Variants in PRKG1 observed in about 807,000 individuals in gnomAD.
PRKG1 encodes the protein cGMP-dependent protein kinase 1.
PRKG1 carries 35 observed loss-of-function variants against 88.1 expected under a neutral mutation model. The observed-to-expected ratio is 0.40, with a 90% CI of 0.30 to 0.53. The LOEUF is 0.53. Ranked by LOEUF, PRKG1 falls within the 20% of genes least tolerant of loss-of-function variation. PRKG1 has a pLI of 0.59. For synonymous variants in PRKG1, 303 were observed against 292.5 expected (o/e 1.04, Z -0.37); for missense variants, 540 against 839.8 (o/e 0.64, Z 4.41).
intron 2 of PRKG1, among the ~76,000 whole-genome samples, chr10:51,264,437 G>A (rs1174326205): frequency 6.6e-6 from 1 of 152,230 alleles, no homozygotes; most frequent in Non-Finnish European, 1.5e-5. Flanking sequence ...ATGTCAAAGA[G>A]ATACATAAAC....
chr10:51,881,054 G>C (rs922157039), intron 4 of PRKG1, among the ~76,000 whole-genome samples: 1 of 151,972 alleles, frequency 6.6e-6, no homozygotes, highest in South Asian at 2.1e-4. Flanking sequence ...TGGGATGGGT[G>C]GGGGAGGGGC....
At chr10:51,356,746 T>TA (rs1468418542) in intron 2 of PRKG1, among the ~76,000 whole-genome samples, 1 of 152,016 alleles carries the variant, frequency 6.6e-6, no homozygotes, top group African/African-American at 2.4e-5. Flanking sequence ...AAACTTTAAA[T>TA]AAATGCTTTC....
intron 9 of PRKG1, among the ~76,000 whole-genome samples, chr10:52,239,920 C>T (rs943709096): frequency 6.6e-6 from 1 of 152,114 alleles, no homozygotes; most frequent in Non-Finnish European, 1.5e-5. Flanking sequence ...GGAAAGGCAC[C>T]AGTTTCTAAT....
At chr10:51,060,095 T>TA (rs1843677208) in intron 1 of PRKG1, among the ~76,000 whole-genome samples, 1 of 152,014 alleles carries the variant, frequency 6.6e-6, no homozygotes, top group Non-Finnish European at 1.5e-5. Context: ...CTGATGTTCT[T>TA]ACTTCTTTGT....
intron 5 of PRKG1, among the ~76,000 whole-genome samples, chr10:52,030,706 A>T (rs1845454239): frequency 6.6e-6 from 1 of 152,206 alleles, no homozygotes; most frequent in African/African-American, 2.4e-5. Context: ...GGACACGACC[A>T]TGCTATGACT....
intron 9 of PRKG1, among the ~76,000 whole-genome samples, chr10:52,167,660 C>T (rs1476285339): frequency 2.0e-5 from 3 of 150,028 alleles, no homozygotes; most frequent in East Asian, 1.9e-4. Flanking sequence ...AACAAAAACA[C>T]CTTTGAATAC....
chr10:52,143,693 C>T (rs1295581514), intron 8 of PRKG1, among the ~76,000 whole-genome samples: 1 of 152,144 alleles, frequency 6.6e-6, no homozygotes, highest in Admixed American at 6.6e-5. Context: ...ACCTCAAGAG[C>T]CTACCAAGAA....
At chr10:51,372,639 GTAGA>G (rs1161346285) in intron 2 of PRKG1, among the ~76,000 whole-genome samples, 2 of 152,114 alleles carry the variant, frequency 1.3e-5, no homozygotes, top group African/African-American at 4.8e-5. Context: ...ATAATTCCAT[GTAGA>G]TACTCTTCTC....
chr10:51,112,891 A>G (rs1286189920), intron 1 of PRKG1, among the ~76,000 whole-genome samples: 1 of 152,218 alleles, frequency 6.6e-6, no homozygotes. Context: ...AGATGTTTGA[A>G]AACACTGTTA....
At chr10:51,819,714 A>G (rs1839693404) in intron 4 of PRKG1, among the ~76,000 whole-genome samples, 1 of 152,206 alleles carries the variant, frequency 6.6e-6, no homozygotes, top group African/African-American at 2.4e-5. Context: ...TGAAAGAGCC[A>G]GAATACAAAC....
chr10:52,031,489 A>T (rs1231730246), intron 5 of PRKG1, among the ~76,000 whole-genome samples: 1 of 152,206 alleles, frequency 6.6e-6, no homozygotes, highest in Non-Finnish European at 1.5e-5. Flanking sequence ...TATATTTGAA[A>T]GATCTTTATA....
At chr10:51,507,028 A>G (rs1841231625) in intron 3 of PRKG1, among the ~76,000 whole-genome samples, 1 of 152,134 alleles carries the variant, frequency 6.6e-6, no homozygotes. Context: ...GGAAACCATC[A>G]TTCTCAGCAA....
intron 3 of PRKG1, among the ~76,000 whole-genome samples, chr10:51,701,800 C>T (rs1841475357): frequency 6.6e-6 from 1 of 152,180 alleles, no homozygotes; most frequent in Admixed American, 6.5e-5. Flanking sequence ...GAAGATTGCA[C>T]ATCTTGACAG....
chr10:51,713,817 G>A (rs540245953), intron 3 of PRKG1, among the ~76,000 whole-genome samples: 12 of 152,140 alleles, frequency 7.9e-5, no homozygotes, highest in African/African-American at 2.6e-4. Context: ...ATTAGTATTG[G>A]GTCAGACAGG....
intron 7 of PRKG1, among the ~76,000 whole-genome samples, chr10:52,122,112 A>G (rs147049343): frequency 1.1e-3 from 161 of 152,332 alleles, no homozygotes; most frequent in African/African-American, 3.7e-3. Flanking sequence ...AGGGGCTCAC[A>G]TCTGGTGAGG....
intron 5 of PRKG1, among the ~76,000 whole-genome samples, chr10:52,034,643 T>C (rs1589541110): frequency 1.3e-5 from 2 of 151,306 alleles, no homozygotes; most frequent in Admixed American, 6.6e-5. Context: ...AGTTTGGGGA[T>C]AGCACCAGGA....
chr10:51,561,318 G>A (rs527935063), intron 3 of PRKG1, among the ~76,000 whole-genome samples: 6 of 151,698 alleles, frequency 4.0e-5, no homozygotes, highest in Non-Finnish European at 8.8e-5. Context: ...TGACAAGAGA[G>A]ACAGAGTGAG....
Position 51,352,292 on chromosome 10 carries a change from A to G in PRKG1, c.479-115431A>G, listed in dbSNP as rs530668050. Among the ~76,000 whole-genome samples the G allele has an allele frequency of 5.3e-5, 8 of 152,102 alleles. No individual in the cohort carries two copies. The East Asian group carries it at 5.8e-4, about 11-fold the overall frequency. On this transcript the variant is annotated intron_variant, in intron 2 of 17. Transcript: ENST00000373980. ...TTTTCTAATTCTGTGAAGAAAGTCA[A>G]TGGTAGCTTGATGGGGATAGCATTG... is the stretch of plus-strand genomic sequence containing the variant.
At chr10:52,081,593 G>T in intron 7 of PRKG1, 1 of 456,608 alleles carries the variant, frequency 2.2e-6, no homozygotes, top group Admixed American at 2.3e-5. Flanking sequence ...CATGTACGAT[G>T]TAGGCATTTG....
Sources: gnomAD v4.1 joint callset for allele counts (sites outside exome capture counted in the v4.1 genomes callset) on GRCh38, gnomAD v4.1.1 for gene constraint, MANE v1.5 for transcripts, NCBI Gene and HGNC (gene_info 2026-07-23, HGNC 2026-07-21) for gene names.